The following DHX34 variants were observed in gnomAD, a reference collection of about 807,000 sequenced individuals.
The protein encoded by DHX34 is DExH-box helicase 34, also known as probable ATP-dependent RNA helicase DHX34.
In DHX34, 96 loss-of-function variants were observed where a neutral mutation model predicts 111.1. The ratio of observed to expected loss-of-function variants is 0.86; its 90% CI spans 0.73 to 1.02. The LOEUF is 1.02. Among genes scored for constraint, DHX34 ranks in the 50% least tolerant of loss-of-function variants. DHX34 has a pLI of 0.00. For missense variants in DHX34, 1,560 were observed against 1,579.9 expected (o/e 0.99, Z 0.21); for synonymous variants, 688 against 670.4 (o/e 1.03, Z -0.41).
Position 47,376,010 on chromosome 19 carries a change from T to C in DHX34, c.2394T>C (p.Ala798=). ...AGGACCTGAGCCGCGAGCAGCTGGCTCTGCTGAAGCTGGTGCTGGGCCGGG... is the reference window on the plus strand; with the variant it reads ...AGGACCTGAGCCGCGAGCAGCTGGCCCTGCTGAAGCTGGTGCTGGGCCGGG... ...SAQDLSREQL[A]LLKLVLGRGL... The change falls in exon 11 of 17, where the codon GCT becomes GCC. Residue 798 remains alanine (A), a synonymous_variant. Transcript: ENST00000328771. 3 of 1,605,076 alleles carry C rather than the reference T, an allele frequency of 1.9e-6. No homozygotes were observed. Among genetic ancestry groups the C allele is most frequent in the Non-Finnish European group, 1.7e-6 (2 of 1,177,356 alleles).
In DHX34 at chr19:47,382,164, C is replaced by A. The variant is rs369118907; in HGVS notation, c.*51C>A. 3.9e-5 allele frequency: 63 copies of A among 1,606,692 alleles called. No homozygotes were observed. In the African/African-American group the frequency reaches 8.4e-4, roughly 21 times the overall value. ...CCGTGCAGCTGACCTGCCCTCCAGCCCAGGACTAGGGGCAGGACTCTTGCC... is the reference window on the plus strand; with the variant it reads ...CCGTGCAGCTGACCTGCCCTCCAGCACAGGACTAGGGGCAGGACTCTTGCC... On this transcript the variant is annotated 3_prime_UTR_variant, in exon 17 of 17. Coordinates refer to ENST00000328771, the MANE Select transcript of DHX34 (RefSeq NM_014681.6).
At chr19:47,376,416 C>G (rs1599774326) in intron 11 of DHX34, 27 bp from the exon 12 acceptor site, 2 of 1,602,656 alleles carry the variant, frequency 1.2e-6, no homozygotes, top group Non-Finnish European at 1.7e-6. Context: ...GATAGGAGGG[C>G]TTGTGCTTTC....
intron 3 of DHX34, among the ~76,000 whole-genome samples, chr19:47,356,021 C>T (rs1969448095): frequency 1.3e-5 from 2 of 152,270 alleles, no homozygotes; most frequent in East Asian, 3.9e-4. Context: ...CAGGATTTCT[C>T]AAAGTCAGCA....
At chr19:47,359,777 G>A (rs779299422) in intron 4 of DHX34, 191 bp from the exon 5 acceptor site, 90 of 912,612 alleles carry the variant, frequency 9.9e-5, no homozygotes, top group Middle Eastern at 5.6e-4. Context: ...GCAAGACTCC[G>A]TCTGAGGGTG....
Position 47,367,167 on chromosome 19 carries a change from C to A in DHX34, c.1768+12C>A, listed in dbSNP as rs370464573. 8 of 1,473,628 alleles carry A rather than the reference C, an allele frequency of 5.4e-6. No individual in the cohort carries two copies. The highest frequency in any genetic ancestry group is 2.4e-5 in the Admixed American group (1 of 41,052). The allele number at this position is 1,473,628 out of a possible 1,614,324, so 91.3% of individuals were successfully genotyped here. On this transcript the variant is annotated intron_variant, in intron 7 of 16. Transcript: ENST00000328771. ...GGACGTTGTGATTGGTGAGTACCCACCCCCCTCCTGATCACTCAGGGCCCC... is the reference window on the plus strand; with the variant it reads ...GGACGTTGTGATTGGTGAGTACCCAACCCCCTCCTGATCACTCAGGGCCCC...
intron 1 of DHX34, 44 bp downstream of exon 1, chr19:47,349,396 A>G (rs1195799821): frequency 2.6e-5 from 4 of 152,158 alleles, no homozygotes; most frequent in Admixed American, 1.3e-4. Flanking sequence ...TGTGGCGGCG[A>G]TGGCTGTCGG....
At position 47,376,589 on chromosome 19, in the gene DHX34, C is replaced by T. The variant is rs186201605; in HGVS notation, c.2599+29C>T. 26 of 1,546,958 alleles carry T rather than the reference C, an allele frequency of 1.7e-5. No individual in the cohort carries two copies. In the Admixed American group the frequency reaches 4.9e-4, roughly 29 times the overall value. On this transcript the variant is annotated intron_variant, in intron 12 of 16. Transcript: ENST00000328771. The stretch of plus-strand genomic sequence containing the variant: ...CAGTGAGCCCAGGCGGAAGGAACCC[C>T]CATCCGGGATGTGAGGGGCAGGGAT...
chr19:47,363,359 G>T (rs865914208), intron 6 of DHX34, among the ~76,000 whole-genome samples: 4 of 151,824 alleles, frequency 2.6e-5, no homozygotes, highest in Non-Finnish European at 5.9e-5. Context: ...CCAAAGTACT[G>T]GGATTACAGC....
chr19:47,353,077 A>C lies in DHX34; in HGVS notation c.47A>C (p.His16Pro), dbSNP rs1452631968. 2.5e-6 allele frequency: 4 copies of C among 1,613,888 alleles called. No homozygotes were observed. Among genetic ancestry groups the C allele is most frequent in the Non-Finnish European group, 3.4e-6 (4 of 1,179,924 alleles). ...TREGRDRRDH[H>P]RAPSEEEALE... ...GAGGGCAGGGATCGCCGAGACCACC[A>C]CCGGGCTCCCAGCGAGGAAGAGGCC... is the stretch of plus-strand genomic sequence containing the variant. Residue 16 changes from histidine (H) to proline (P), a missense_variant, in exon 2 of 17, where the codon CAC (histidine) becomes CCC (proline). Transcript: ENST00000328771. This position sits in a 1 kb window ranked among gnomAD's most constrained non-coding sequence, Gnocchi z 4.6.
Position 47,353,249 on chromosome 19 carries a change from C to G in DHX34, c.219C>G (p.Leu73=). 6.2e-7 allele frequency: 1 copy of G among 1,614,172 alleles called. No homozygotes were observed. Among genetic ancestry groups the G allele is most frequent in the Middle Eastern group, 1.6e-4 (1 of 6,062 alleles). ...FFERLQRFQN[L]KTSRKEEKDP... is the part of the protein sequence containing the mutation. The stretch of plus-strand genomic sequence containing the variant: ...AACGCCTGCAGAGATTCCAGAATCT[C>G]AAGACCTCCAGGAAGGAGGAGAAAG... Residue 73 remains leucine, a synonymous_variant, in exon 2 of 17, where the codon CTC becomes CTG. Coordinates refer to ENST00000328771, the MANE Select transcript of DHX34 (RefSeq NM_014681.6). The surrounding 1 kb of genome is among the most constrained non-coding windows in gnomAD (Gnocchi z 4.6).
Position 47,381,256 on chromosome 19 carries a change from C to T in DHX34, c.3230C>T (p.Pro1077Leu), listed in dbSNP as rs371704026. ...WTCPHCGLHA[P>L]LTPLERIAHE... is the part of the protein sequence containing the mutation. ...TGCCCCCACTGTGGCCTGCATGCGC[C>T]CCTCACGCCCCTGGAGCGCATCGCC... The change falls in exon 16 of 17, where the codon CCC becomes CTC. Residue 1077 changes from proline to leucine, a missense_variant. Coordinates refer to ENST00000328771, the MANE Select transcript of DHX34 (RefSeq NM_014681.6). 6.2e-7 allele frequency: 1 copy of T among 1,614,072 alleles called. No homozygotes were observed. The highest frequency in any genetic ancestry group is 2.2e-5 in the East Asian group (1 of 44,880).
At position 47,366,996 on chromosome 19, in the gene DHX34, G is replaced by A. The variant is rs746769263; in HGVS notation, c.1609G>A (p.Val537Met). The change falls in exon 7 of 17, where the codon GTG becomes ATG. Residue 537 changes from valine to methionine, a missense_variant. Val to Met is a conservative substitution (Grantham distance 21). Coordinates refer to ENST00000328771, the MANE Select transcript of DHX34 (RefSeq NM_014681.6). ...SLVLQMKSMS[V>M]GDPRTFPFIE... The stretch of plus-strand genomic sequence containing the variant: ...CTCATTCTAGATGAAGAGCATGAGT[G>A]TGGGGGACCCCCGAACCTTCCCCTT... 4 of 1,555,736 alleles carry A rather than the reference G, an allele frequency of 2.6e-6. No homozygotes were observed. Among genetic ancestry groups the A allele is most frequent in the South Asian group, 2.5e-5 (2 of 80,860 alleles).
At chr19:47,381,819 G>A in intron 16 of DHX34, 161 bp from the exon 17 acceptor site, 1 of 970,478 alleles carries the variant, frequency 1.0e-6, no homozygotes, top group Non-Finnish European at 1.2e-6. Flanking sequence ...AGACAGACCT[G>A]TGTATTTTTA....
chr19:47,381,484 C>G, intron 16 of DHX34, 160 bp downstream of exon 16: 1 of 1,106,826 alleles, frequency 9.0e-7, no homozygotes, highest in Non-Finnish European at 1.3e-6. Context: ...TCCTGAAGAT[C>G]AGGAGCCCAA....
chr19:47,377,409 G>A (rs1338790385), intron 13 of DHX34, among the ~76,000 whole-genome samples: 1 of 152,208 alleles, frequency 6.6e-6, no homozygotes, highest in Non-Finnish European at 1.5e-5. Flanking sequence ...TGCCTGCTGG[G>A]TGCCAGGCGC....
In DHX34 at chr19:47,382,019, C is replaced by G; in HGVS notation, c.3338C>G (p.Ser1113Cys). The G allele has an allele frequency of 1.2e-6, 2 of 1,614,136 alleles. No individual in the cohort carries two copies. The highest frequency in any genetic ancestry group is 8.5e-7 in the Non-Finnish European group (1 of 1,180,002). ...GCCCTCGAAACCCTCCAGAAGACAT[C>G]TGTCCTGCAGAGGCCCTACCACTGC... is the stretch of plus-strand genomic sequence containing the variant. ...EAALETLQKT[S>C]VLQRPYHCEA... Residue 1113 changes from serine to cysteine, a missense_variant, in exon 17 of 17, where the codon TCT (serine) becomes TGT (cysteine). By Grantham distance (112) the Ser-to-Cys change is moderately radical (BLOSUM62 -1). Transcript: ENST00000328771.
chr19:47,380,301 C>G (rs762599822), intron 14 of DHX34, among the ~76,000 whole-genome samples: 4 of 152,120 alleles, frequency 2.6e-5, no homozygotes, highest in African/African-American at 2.4e-5. Flanking sequence ...AAGCCGTAGA[C>G]GTCTGCTTGT....
intron 7 of DHX34, among the ~76,000 whole-genome samples, chr19:47,370,917 G>A (rs1185246318): frequency 2.6e-5 from 4 of 152,124 alleles, no homozygotes; most frequent in African/African-American, 7.2e-5. Context: ...CAAGTGATCC[G>A]CCAGCCTCGG....
Position 47,372,848 on chromosome 19 carries a change from G to A in DHX34, c.1887G>A (p.Ala629=), listed in dbSNP as rs145460110. The change falls in exon 8 of 17, where the codon GCG becomes GCA. Residue 629 remains alanine, a synonymous_variant. Coordinates refer to ENST00000328771, the MANE Select transcript of DHX34 (RefSeq NM_014681.6). ...TRSAQSSPEC[A]AARRPLESDQ... is the part of the protein sequence containing the mutation. ...GCGCCCAGAGCAGCCCAGAGTGCGC[G>A]GCAGCACGGCGGCCGCTGGAGAGCG... The A allele has an allele frequency of 2.9e-5, 47 of 1,611,906 alleles. No individual in the cohort carries two copies. In the East Asian group the frequency reaches 3.3e-4, roughly 11 times the overall value.
Sources: gnomAD v4.1 joint callset for allele counts (sites outside exome capture counted in the v4.1 genomes callset) on GRCh38, gnomAD v4.1.1 for gene constraint, Gnocchi (gnomAD v3.1) non-coding constraint, MANE v1.5 for transcripts, NCBI Gene and HGNC (gene_info 2026-07-23, HGNC 2026-07-21) for gene names.